The following ZNF394 variants were observed in gnomAD, a reference collection of about 807,000 sequenced individuals.
ZNF394 encodes the protein zinc finger protein 99.
Under a neutral mutation model 21.8 loss-of-function variants are expected in ZNF394, and 19 were observed. The ratio of observed to expected loss-of-function variants is 0.87; its 90% CI spans 0.61 to 1.28. ZNF394 has a LOEUF of 1.28. Ranked by LOEUF, ZNF394 falls within the 50% of genes most tolerant of loss-of-function variation. ZNF394 has a pLI of 0.00. For synonymous variants in ZNF394, 294 were observed against 273.3 expected, an observed-to-expected ratio of 1.08 and a Z score of -0.75; for missense variants, 683 against 708.6, an observed-to-expected ratio of 0.96 and a Z score of 0.41.
At position 99,486,963 on chromosome 7, in the gene ZNF394, C is replaced by G. The variant is rs771364394; in HGVS notation, n.84G>C. The G allele has an allele frequency of 3.0e-5, 49 of 1,614,150 alleles. No homozygotes were observed. The highest frequency in any genetic ancestry group is 4.1e-5 in the Non-Finnish European group (48 of 1,180,048). On this transcript the variant is annotated splice_region_variant and non_coding_transcript_exon_variant, in exon 2 of 2. Transcript: ENST00000462024. The stretch of plus-strand genomic sequence containing the variant: ...CTCTTACGGTCCATAAACAGTGTCA[C>G]CTGCAAAACAAGCCATACAGATGTC...
intron 1 of ZNF394, 83 bp downstream of exon 1, chr7:99,499,555 G>A (rs954438009): frequency 1.7e-4 from 218 of 1,259,878 alleles, no homozygotes; most frequent in Non-Finnish European, 2.3e-4. Flanking sequence ...AATGTAATAA[G>A]GAAGTAAGTT....
chr7:99,494,681 G>T, intron 2 of ZNF394, 50 bp from the exon 3 acceptor site: 1 of 1,516,202 alleles, frequency 6.6e-7, no homozygotes. Context: ...GTGCAACACA[G>T]AAATAAGCAA....
In ZNF394 at chr7:99,486,907, G is replaced by T. The variant is rs1685084246; in HGVS notation, n.140C>A. On this transcript the variant is annotated non_coding_transcript_exon_variant, in exon 2 of 2. Transcript: ENST00000462024. ...TTTAGAGAATCCTTTTGAGTGTAAG[G>T]TCTGTGGGCAAGCCTTCAGACAGCG... 1.9e-6 allele frequency: 3 copies of T among 1,614,148 alleles called. No individual in the cohort carries two copies. In the African/African-American group the frequency reaches 4.0e-5, roughly 22 times the overall value.
At position 99,486,944 on chromosome 7, in the gene ZNF394, C is replaced by T. The variant is rs149550046; in HGVS notation, n.103G>A. The T allele has an allele frequency of 5.2e-4, 833 of 1,614,104 alleles. 3 individuals are homozygous for T. The African/African-American group carries it at 0.01, about 20-fold the overall frequency. On this transcript the variant is annotated non_coding_transcript_exon_variant, in exon 2 of 2. Transcript: ENST00000462024. Reference sequence around the variant, plus strand: ...GCCTTCAGACAGCGGTCAGCTCTTACGGTCCATAAACAGTGTCACCTGCAA... The same window carrying T: ...GCCTTCAGACAGCGGTCAGCTCTTATGGTCCATAAACAGTGTCACCTGCAA...
rs1197690761 is a variant in ZNF394 at position 99,493,251 on chromosome 7, A to G, written c.*278T>C. On this transcript the variant is annotated 3_prime_UTR_variant, in exon 3 of 3. Coordinates refer to ENST00000337673, the MANE Select transcript of ZNF394 (RefSeq NM_032164.4). ...CCAAGTCACATAGAAACATATCAAA[A>G]TGACAGCACTTTATTTCTTTTTTGA... 1 of 1,142,234 alleles carries G rather than the reference A, an allele frequency of 8.8e-7. No individual in the cohort carries two copies. The highest frequency in any genetic ancestry group is 4.5e-5 in the Admixed American group (1 of 22,314). The allele number at this position is 1,142,234 out of a possible 1,614,324, so 70.8% of individuals were successfully genotyped here.
At chr7:99,492,582 G>T (rs985720792), downstream of ZNF394, among the ~76,000 whole-genome samples, 67 of 148,356 alleles carry the variant, frequency 4.5e-4, no homozygotes, top group Non-Finnish European at 8.6e-4. Context: ...GGAGGTTGCA[G>T]TGAGCCAAGA....
At chr7:99,488,104 G>GTTA (rs1800069338) in intron 1 of ZNF394, among the ~76,000 whole-genome samples, 1 of 149,254 alleles carries the variant, frequency 6.7e-6, no homozygotes, top group African/African-American at 2.5e-5. Flanking sequence ...CAGAGAAAAG[G>GTTA]TTATTAGGCT....
At chr7:99,487,316 T>G in intron 1 of ZNF394, 1 of 1,614,228 alleles carries the variant, frequency 6.2e-7, no homozygotes, top group South Asian at 1.1e-5. Flanking sequence ...GAGGAATTCT[T>G]TCAATGTGGA....
intron 2 of ZNF394, 95 bp downstream of exon 2, chr7:99,498,621 C>T: frequency 6.4e-7 from 1 of 1,563,180 alleles, no homozygotes; most frequent in Non-Finnish European, 8.7e-7. Flanking sequence ...GCTCTCAGCC[C>T]AAGTCTGGGA....
chr7:99,500,167 C>T lies in ZNF394; in HGVS notation c.-74G>A, dbSNP rs1240773869. On this transcript the variant is annotated 5_prime_UTR_variant, in exon 1 of 3. Coordinates refer to ENST00000337673, the MANE Select transcript of ZNF394 (RefSeq NM_032164.4). ...GAAAGAGCAAACCCAAGGAACTCAT[C>T]AGCCGTCAACACCCTCCGGTCCCAA... 7.0e-7 allele frequency: 1 copy of T among 1,429,440 alleles called. No homozygotes were observed. The highest frequency in any genetic ancestry group is 2.4e-4 in the Middle Eastern group (1 of 4,224). 88.5% of individuals were successfully genotyped at this position (1,429,440 alleles called of 1,614,324 possible).
chr7:99,499,756 A>T lies in ZNF394; in HGVS notation c.338T>A (p.Leu113His). ...ILELLVLEQF[L>H]TILPEELQAW... ...TTGAAGCTCCTCGGGCAGGATGGTG[A>T]GGAACTGCTCCAGCACCAGCAGCTC... The change falls in exon 1 of 3, where the codon CTC becomes CAC. Residue 113 changes from leucine (L) to histidine (H), a missense_variant. Transcript: ENST00000337673. 6.2e-7 allele frequency: 1 copy of T among 1,614,102 alleles called. No individual in the cohort carries two copies. The highest frequency in any genetic ancestry group is 8.5e-7 in the Non-Finnish European group (1 of 1,180,028).
chr7:99,496,742 T>C (rs1168672688), intron 2 of ZNF394, among the ~76,000 whole-genome samples: 2 of 146,576 alleles, frequency 1.4e-5, no homozygotes, highest in Non-Finnish European at 3.0e-5. Context: ...TTTTTATTAA[T>C]TTTTTTTTTT....
downstream of ZNF394, among the ~76,000 whole-genome samples, chr7:99,490,054 C>T (rs1428735214): frequency 1.3e-5 from 2 of 151,978 alleles, no homozygotes; most frequent in Non-Finnish European, 2.9e-5. Flanking sequence ...TGCGTCATGC[C>T]TGTAATCCCC....
At chr7:99,497,106 GTGTGTGTGTGTGTGTGTA>G (rs900203393) in intron 2 of ZNF394, among the ~76,000 whole-genome samples, 3 of 117,258 alleles carry the variant, frequency 2.6e-5, no homozygotes, top group Non-Finnish European at 4.8e-5. Context: ...GTGTGTGTGT[GTGTGTGTGTGTGTGTGTA>G]TATATATATA....
At chr7:99,493,160 G>A, downstream of ZNF394, 1 of 1,005,128 alleles carries the variant, frequency 9.9e-7, no homozygotes, top group Non-Finnish European at 1.2e-6. Context: ...ACTCAAGGAA[G>A]ATCCATAATT....
chr7:99,494,048 T>C lies in ZNF394; in HGVS notation c.1167A>G (p.Gln389=). Residue 389 remains glutamine (Q), a synonymous_variant, in exon 3 of 3, where the codon CAA becomes CAG. Coordinates refer to ENST00000337673, the MANE Select transcript of ZNF394 (RefSeq NM_032164.4). ...TCTGGCTGAAGCTTTTCCCACATTCTTGGCAGCCATAGGGTTTCTCACCTG... is the reference window on the plus strand; with the variant it reads ...TCTGGCTGAAGCTTTTCCCACATTCCTGGCAGCCATAGGGTTTCTCACCTG... ...IHTGEKPYGC[Q]ECGKSFSQSA... 1 of 1,613,930 alleles carries C rather than the reference T, an allele frequency of 6.2e-7. No individual in the cohort carries two copies. Among genetic ancestry groups the C allele is most frequent in the Non-Finnish European group, 8.5e-7 (1 of 1,179,986 alleles).
At chr7:99,489,141 G>A (rs373325659), downstream of ZNF394, among the ~76,000 whole-genome samples, 4 of 151,380 alleles carry the variant, frequency 2.6e-5, no homozygotes, top group South Asian at 4.2e-4. Flanking sequence ...AAAATTAGCC[G>A]AGCATGGTGG....
rs745778788 is a variant in ZNF394 at position 99,493,910 on chromosome 7, G to A, written c.1305C>T (p.Thr435=). The change falls in exon 3 of 3, where the codon ACC becomes ACT. Residue 435 remains threonine, a synonymous_variant. Transcript: ENST00000337673. The part of the protein sequence containing the change: ...QNSHLNRHQS[T]HSRDKHFKCE... ...ATTTAAAATGTTTGTCTCTACTGTG[G>A]GTACTTTGATGACGATTTAGGTGTG... 8 of 1,614,074 alleles carry A rather than the reference G, an allele frequency of 5.0e-6. No homozygotes were observed. The highest frequency in any genetic ancestry group is 6.8e-6 in the Non-Finnish European group (8 of 1,180,050).
chr7:99,494,803 C>G (rs1336942521), intron 2 of ZNF394, among the ~76,000 whole-genome samples, 172 bp from the exon 3 acceptor site: 3 of 152,114 alleles, frequency 2.0e-5, no homozygotes, highest in African/African-American at 7.2e-5. Context: ...GGTCCGATCT[C>G]AGTTCACTGC....
Sources: gnomAD v4.1 joint callset for allele counts (sites outside exome capture counted in the v4.1 genomes callset) on GRCh38, gnomAD v4.1.1 for gene constraint, MANE v1.5 for transcripts, NCBI Gene and HGNC (gene_info 2026-07-23, HGNC 2026-07-21) for gene names.